The following PRKCG variants were observed in gnomAD, a reference collection of about 807,000 sequenced individuals.
PRKCG encodes the protein protein kinase C gamma.
PRKCG carries 28 observed loss-of-function variants against 82.0 expected under a neutral mutation model. That is an observed-to-expected ratio of 0.34 (90% CI 0.25 to 0.47). The LOEUF (loss-of-function observed/expected upper bound fraction) is 0.47, where lower values mean the gene tolerates loss of function less well. Among genes scored for constraint, PRKCG ranks in the 20% least tolerant of loss-of-function variants. The pLI is 1.00. For missense variants in PRKCG, 640 were observed against 952.7 expected, an observed-to-expected ratio of 0.67 and a Z score of 4.32; for synonymous variants, 383 against 376.6, an observed-to-expected ratio of 1.02 and a Z score of -0.20.
At chr19:53,888,168 A>C (rs765660276) in intron 3 of PRKCG, among the ~76,000 whole-genome samples, 1 of 152,184 alleles carries the variant, frequency 6.6e-6, no homozygotes, top group Admixed American at 6.5e-5. Context: ...GAACCCTTTG[A>C]GTTAGGGTCA....
chr19:53,886,789 A>G (rs1226090392), intron 3 of PRKCG, among the ~76,000 whole-genome samples: 1 of 152,206 alleles, frequency 6.6e-6, no homozygotes, highest in African/African-American at 2.4e-5. Flanking sequence ...ATCTGGTTTG[A>G]ATCCCAGCTC....
Position 53,900,085 on chromosome 19 carries a change from A to G in PRKCG, c.1282-148A>G. 1 of 762,112 alleles carries G rather than the reference A, an allele frequency of 1.3e-6. No homozygotes were observed. Among genetic ancestry groups the G allele is most frequent in the South Asian group, 1.4e-5 (1 of 69,040 alleles). The allele number at this position is 762,112 out of a possible 1,614,324, so 47.2% of individuals were successfully genotyped here. A position where few individuals can be genotyped will look rare whatever the true frequency, so the allele number is the denominator to read the frequency against. On this transcript the variant is annotated intron_variant, in intron 11 of 17. Coordinates refer to ENST00000263431, the MANE Select transcript of PRKCG (RefSeq NM_002739.5). The surrounding 1 kb of genome is among the most constrained non-coding windows in gnomAD (Gnocchi z 4.2). ...TCTGAGGTAGCAGGATTAGCACCTTAGGGCCCTCCCAGGGATGTGGCTAGG... is the reference window on the plus strand; with the variant it reads ...TCTGAGGTAGCAGGATTAGCACCTTGGGGCCCTCCCAGGGATGTGGCTAGG...
intron 3 of PRKCG, among the ~76,000 whole-genome samples, chr19:53,886,115 G>A (rs577937665): frequency 4.7e-5 from 7 of 150,452 alleles, no homozygotes; most frequent in African/African-American, 1.7e-4. Context: ...TGATTTTGGG[G>A]TATTTTTTAG....
chr19:53,881,627 G>C (rs1000731235), upstream of PRKCG, among the ~76,000 whole-genome samples: 1 of 151,892 alleles, frequency 6.6e-6, no homozygotes, highest in Non-Finnish European at 1.5e-5. Flanking sequence ...AGAGGAAATA[G>C]AGAAATAGAA....
chr19:53,891,780 C>G lies in PRKCG; in HGVS notation c.636C>G (p.Thr212=). The part of the protein sequence containing the change: ...PDPRNLTKQK[T]RTVKATLNPV... ...CTCGGAACCTGACGAAACAGAAGACCCGAACGGTGAAAGCCACGCTAAACC... is the reference window on the plus strand; with the variant it reads ...CTCGGAACCTGACGAAACAGAAGACGCGAACGGTGAAAGCCACGCTAAACC... The change falls in exon 6 of 18, where the codon ACC becomes ACG. Residue 212 remains threonine, a synonymous_variant. Coordinates refer to ENST00000263431, the MANE Select transcript of PRKCG (RefSeq NM_002739.5). 1 of 1,614,082 alleles carries G rather than the reference C, an allele frequency of 6.2e-7. No individual in the cohort carries two copies. Among genetic ancestry groups the G allele is most frequent in the Non-Finnish European group, 8.5e-7 (1 of 1,180,018 alleles).
chr19:53,893,516 T>A lies in PRKCG; in HGVS notation c.939+125T>A, dbSNP rs1427558785. 2.8e-6 allele frequency: 3 copies of A among 1,070,362 alleles called. No individual in the cohort carries two copies. The African/African-American group carries it at 4.7e-5, about 17-fold the overall frequency. 66.3% of individuals were successfully genotyped at this position (1,070,362 alleles called of 1,614,324 possible). On this transcript the variant is annotated intron_variant, in intron 9 of 17. Transcript: ENST00000263431. ...TGAGCACACATTTGTGCTAGGCCTG[T>A]CTTGTGCTTGCTGAATAATCCAGGA...
chr19:53,906,627 A>G, intron 17 of PRKCG, 80 bp from the exon 18 acceptor site: 2 of 1,561,908 alleles, frequency 1.3e-6, no homozygotes, highest in Admixed American at 1.7e-5. Context: ...AGGAGACAGG[A>G]GATGAGACTG....
At position 53,883,045 on chromosome 19, in the gene PRKCG, C is replaced by CT. The variant is rs1463011371; in HGVS notation, c.171-116dup. The CT allele has an allele frequency of 5.2e-6, 7 of 1,346,962 alleles. No homozygotes were observed. Among genetic ancestry groups the CT allele is most frequent in the Non-Finnish European group, 7.4e-6 (7 of 940,890 alleles). 83.4% of individuals were successfully genotyped at this position (1,346,962 alleles called of 1,614,324 possible). On this transcript the variant is annotated intron_variant, in intron 1 of 17. Transcript: ENST00000263431. The surrounding 1 kb of genome is among the most constrained non-coding windows in gnomAD (Gnocchi z 5.4). Reference sequence around the variant, plus strand: ...TTCTAGAAAGAGGAGGTGGCCGGGGCTTGGACACCTGGGCCCTGCGGGAGG... The same window carrying CT: ...TTCTAGAAAGAGGAGGTGGCCGGGGCTTTGGACACCTGGGCCCTGCGGGAGG...
In PRKCG at chr19:53,906,692, C is replaced by G; in HGVS notation, c.1906-15C>G. The G allele has an allele frequency of 6.2e-7, 1 of 1,612,106 alleles. No individual in the cohort carries two copies. The highest frequency in any genetic ancestry group is 1.1e-5 in the South Asian group (1 of 91,024). On this transcript the variant is annotated splice_polypyrimidine_tract_variant and intron_variant, in intron 17 of 17. Coordinates refer to ENST00000263431, the MANE Select transcript of PRKCG (RefSeq NM_002739.5). ...TCGGAGCTGCTTAACTTTCCCTCCC[C>G]CACGTCTCCCACAGTGTGGCCGCAG...
In PRKCG at chr19:53,906,971, C is replaced by CA; in HGVS notation, c.*77dup. 1 of 1,596,370 alleles carries CA rather than the reference C, an allele frequency of 6.3e-7. No homozygotes were observed. On this transcript the variant is annotated 3_prime_UTR_variant, in exon 18 of 18. Transcript: ENST00000263431. ...GGCAGCCCCACTTCACCCCCAACTTCACCACCCCCTGTCCCATTCTAGATC... is the reference window on the plus strand; with the variant it reads ...GGCAGCCCCACTTCACCCCCAACTTCAACCACCCCCTGTCCCATTCTAGATC...
intron 9 of PRKCG, among the ~76,000 whole-genome samples, chr19:53,896,542 C>A (rs532893573): frequency 1.3e-5 from 2 of 152,260 alleles, no homozygotes; most frequent in African/African-American, 4.8e-5. Context: ...GCCTTGGCCT[C>A]CCAAGTAGCT....
Position 53,882,515 on chromosome 19 carries a change from C to G in PRKCG, c.21C>G (p.Gly7=), listed in dbSNP as rs779036291. The G allele has an allele frequency of 1.9e-6, 3 of 1,614,034 alleles. No individual in the cohort carries two copies. Among genetic ancestry groups the G allele is most frequent in the Admixed American group, 3.3e-5 (2 of 60,002 alleles). MAGLGP[G]VGDSEGGPRP... ...GGGCCATGGCTGGTCTGGGCCCCGG[C>G]GTAGGCGATTCAGAGGGGGGACCCC... The change falls in exon 1 of 18, where the codon GGC becomes GGG. Residue 7 remains glycine, a synonymous_variant. Transcript: ENST00000263431. This position sits in a 1 kb window ranked among gnomAD's most constrained non-coding sequence, Gnocchi z 6.1.
Position 53,906,946 on chromosome 19 carries a change from G to C in PRKCG, c.*51G>C. 6.2e-7 allele frequency: 1 copy of C among 1,608,966 alleles called. No individual in the cohort carries two copies. The highest frequency in any genetic ancestry group is 1.1e-5 in the South Asian group (1 of 90,846). On this transcript the variant is annotated 3_prime_UTR_variant, in exon 18 of 18. Transcript: ENST00000263431. ...CCAACGTCCCCTCCGCCGTGCCGGC[G>C]GCAGCCCCACTTCACCCCCAACTTC...
chr19:53,886,335 C>T (rs531976048), intron 3 of PRKCG, among the ~76,000 whole-genome samples: 1 of 152,102 alleles, frequency 6.6e-6, no homozygotes, highest in East Asian at 2.0e-4. Flanking sequence ...TGCTCCTGAC[C>T]TCACGTGATC....
chr19:53,903,573 A>G (rs995011224), intron 15 of PRKCG, among the ~76,000 whole-genome samples: 8 of 152,288 alleles, frequency 5.3e-5, no homozygotes, highest in Non-Finnish European at 1.2e-4. Flanking sequence ...AAAATTGGTT[A>G]CCACACTCTT....
chr19:53,897,551 G>C (rs931770438), intron 9 of PRKCG, among the ~76,000 whole-genome samples: 2 of 152,170 alleles, frequency 1.3e-5, no homozygotes, highest in Non-Finnish European at 2.9e-5. Flanking sequence ...TTCCGGCTTA[G>C]AGGCTAAGAG....
intron 11 of PRKCG, among the ~76,000 whole-genome samples, chr19:53,899,224 G>C (rs2068744320): frequency 6.6e-6 from 1 of 150,800 alleles, no homozygotes; most frequent in Non-Finnish European, 1.5e-5. Context: ...AAGCGGTTGA[G>C]TTCCTTGGGG....
intron 9 of PRKCG, among the ~76,000 whole-genome samples, chr19:53,895,232 G>A (rs2068709212): frequency 6.6e-6 from 1 of 151,966 alleles, no homozygotes; most frequent in African/African-American, 2.4e-5. Context: ...TGGGCACGAT[G>A]CCTCATGTCT....
Position 53,898,182 on chromosome 19 carries a change from G to A in PRKCG, c.1092+71G>A, listed in dbSNP as rs958390062. On this transcript the variant is annotated intron_variant, in intron 10 of 17. Coordinates refer to ENST00000263431, the MANE Select transcript of PRKCG (RefSeq NM_002739.5). ...AGGTCAGATTTCTGGTTCTTAGGGA[G>A]GAAGTGGGGGTGGGAAGAGACTGGG... 8 of 1,575,556 alleles carry A rather than the reference G, an allele frequency of 5.1e-6. No homozygotes were observed. The African/African-American group carries it at 1.1e-4, about 21-fold the overall frequency.
Sources: gnomAD v4.1 joint callset for allele counts (sites outside exome capture counted in the v4.1 genomes callset) on GRCh38, gnomAD v4.1.1 for gene constraint, Gnocchi (gnomAD v3.1) non-coding constraint, MANE v1.5 for transcripts, NCBI Gene and HGNC (gene_info 2026-07-23, HGNC 2026-07-21) for gene names.